NAP1L4: variants seen among roughly 807,000 people sequenced by gnomAD.
NAP1L4 encodes nucleosome assembly protein 1-like 4.
A neutral mutation model predicts 58.2 loss-of-function variants in NAP1L4; 15 were observed. That is an observed-to-expected ratio of 0.26 (90% CI 0.17 to 0.40). NAP1L4 has a LOEUF of 0.40. Ranked by LOEUF, NAP1L4 falls within the 10% of genes least tolerant of loss-of-function variation. The pLI is 1.00. For missense variants in NAP1L4, 384 were observed against 451.1 expected (o/e 0.85, Z 1.35); for synonymous variants, 171 against 155.6 (o/e 1.10, Z -0.74).
intron 10 of NAP1L4, among the ~76,000 whole-genome samples, chr11:2,957,827 T>C (rs1298297384): frequency 2.0e-5 from 3 of 152,222 alleles, no homozygotes; most frequent in African/African-American, 4.8e-5. Flanking sequence ...ACTACTTGTG[T>C]TTCTTACAAT....
chr11:2,947,263 T>C (rs2133889451), intron 15 of NAP1L4, among the ~76,000 whole-genome samples: 1 of 152,294 alleles, frequency 6.6e-6, no homozygotes, highest in South Asian at 2.1e-4. Flanking sequence ...AATGATGTAA[T>C]AGGTATTTTC....
At chr11:2,964,198 C>T (rs779927377) in intron 8 of NAP1L4, among the ~76,000 whole-genome samples, 5 of 152,062 alleles carry the variant, frequency 3.3e-5, no homozygotes, top group African/African-American at 4.8e-5. Flanking sequence ...TACATAGCTC[C>T]CATCTTTTTA....
rs1212574682 is a variant in NAP1L4 at position 2,948,026 on chromosome 11, T to A, written c.*32+1201A>T. Among the ~76,000 whole-genome samples the A allele has an allele frequency of 2.0e-5, 3 of 148,424 alleles. No individual in the cohort carries two copies. Among genetic ancestry groups the A allele is most frequent in the African/African-American group, 7.5e-5 (3 of 39,924 alleles). On this transcript the variant is annotated intron_variant, in intron 15 of 15. Transcript: ENST00000380542. The surrounding 1 kb of genome is among the most constrained non-coding windows in gnomAD (Gnocchi z 5.1). The stretch of plus-strand genomic sequence containing the variant: ...ACGGATAGGTGGCACGCATCGAGGA[T>A]TCTCTTCAAAAGAGCTGGTGGCATG...
At chr11:2,970,471 T>A (rs1220351941) in intron 6 of NAP1L4, among the ~76,000 whole-genome samples, 1 of 151,844 alleles carries the variant, frequency 6.6e-6, no homozygotes, top group Non-Finnish European at 1.5e-5. Flanking sequence ...AAGAAAGTGC[T>A]CAGCAACTTA....
At chr11:2,985,476 T>C (rs903606445) in intron 1 of NAP1L4, among the ~76,000 whole-genome samples, 1 of 152,218 alleles carries the variant, frequency 6.6e-6, no homozygotes, top group Non-Finnish European at 1.5e-5. Flanking sequence ...CAGAAGGTTC[T>C]CTCACTTTTA....
chr11:2,965,453 A>G (rs1363015021), intron 7 of NAP1L4, among the ~76,000 whole-genome samples: 1 of 152,238 alleles, frequency 6.6e-6, no homozygotes, highest in Non-Finnish European at 1.5e-5. Context: ...ATATGGTATC[A>G]TAATCTTACA....
intron 8 of NAP1L4, among the ~76,000 whole-genome samples, chr11:2,961,339 T>C (rs1482206942): frequency 6.6e-6 from 1 of 151,970 alleles, no homozygotes; most frequent in Non-Finnish European, 1.5e-5. Context: ...AGCTCTCCAC[T>C]GGCCTTGGCA....
chr11:2,969,192 T>C (rs1362980354), intron 7 of NAP1L4, among the ~76,000 whole-genome samples: 3 of 152,038 alleles, frequency 2.0e-5, no homozygotes, highest in Non-Finnish European at 4.4e-5. Context: ...GATTTCGCGA[T>C]GCTGCCCAGG....
At chr11:2,984,620 G>A (rs549006540) in intron 1 of NAP1L4, among the ~76,000 whole-genome samples, 6 of 152,168 alleles carry the variant, frequency 3.9e-5, no homozygotes, top group South Asian at 2.1e-4. Context: ...ATGGTCCCCC[G>A]TCACCTTCTG....
In NAP1L4 at chr11:2,955,669, T is replaced by A. The variant is rs917622180; in HGVS notation, c.915+75A>T. 2.8e-5 allele frequency: 42 copies of A among 1,494,204 alleles called. No individual in the cohort carries two copies. The highest frequency in any genetic ancestry group is 3.5e-4 in the Middle Eastern group (2 of 5,780). 92.6% of individuals were successfully genotyped at this position (1,494,204 alleles called of 1,614,324 possible). A position where few individuals can be genotyped will look rare whatever the true frequency, so the allele number is the denominator to read the frequency against. ...CACACAGCCAGGACTGGACTTTTTT[T>A]AACAAGTAGACAAGTAGACATTCAC... On this transcript the variant is annotated intron_variant, in intron 11 of 15. Transcript: ENST00000380542. The surrounding 1 kb of genome is among the most constrained non-coding windows in gnomAD (Gnocchi z 4.2).
intron 1 of NAP1L4, among the ~76,000 whole-genome samples, chr11:2,987,353 G>A (rs1039520817): frequency 6.6e-6 from 1 of 151,608 alleles, no homozygotes; most frequent in African/African-American, 2.4e-5. Flanking sequence ...CCCAAGGCGG[G>A]AGAGGGTCTC....
Position 2,954,975 on chromosome 11 carries a change from C to G in NAP1L4, c.916-329G>C, listed in dbSNP as rs1846446651. Among the ~76,000 whole-genome samples the G allele has an allele frequency of 6.6e-6, 1 of 152,116 alleles. No individual in the cohort carries two copies. The highest frequency in any genetic ancestry group is 1.5e-5 in the Non-Finnish European group (1 of 68,024). ...GTATTAAAGCACTGCACATTTGCTA[C>G]TGAAATCAACATATGAAACACATAC... On this transcript the variant is annotated intron_variant, in intron 11 of 15. Coordinates refer to ENST00000380542, the MANE Select transcript of NAP1L4 (RefSeq NM_005969.4). This position sits in a 1 kb window ranked among gnomAD's most constrained non-coding sequence, Gnocchi z 4.8.
chr11:2,947,153 C>T (rs1845980022), intron 15 of NAP1L4, among the ~76,000 whole-genome samples: 1 of 152,214 alleles, frequency 6.6e-6, no homozygotes, highest in Admixed American at 6.5e-5. Context: ...ATCTGAGATA[C>T]TCCAAAATCT....
rs752950557 is a variant in NAP1L4, at chr11:2,951,754, T to C, written c.1065+26A>G. On this transcript the variant is annotated intron_variant, in intron 13 of 15. Transcript: ENST00000380542. The surrounding 1 kb of genome is among the most constrained non-coding windows in gnomAD (Gnocchi z 4.0). Reference sequence around the variant, plus strand: ...AAAGAAACAACTTCAGGGAGGTAAGTGGCACTGCATAAACCTGTCTCTTAC... The same window carrying C: ...AAAGAAACAACTTCAGGGAGGTAAGCGGCACTGCATAAACCTGTCTCTTAC... 15 of 1,612,310 alleles carry C rather than the reference T, an allele frequency of 9.3e-6. No homozygotes were observed. The African/African-American group carries it at 1.3e-4, about 14-fold the overall frequency.
chr11:2,974,582 T>TG (rs1307296254), intron 4 of NAP1L4, among the ~76,000 whole-genome samples: 9 of 152,190 alleles, frequency 5.9e-5, no homozygotes, highest in Non-Finnish European at 1.2e-4. Context: ...AGCTTCTAAA[T>TG]GGGCAAAGCA....
At chr11:2,988,423 G>A (rs191439538) in intron 1 of NAP1L4, among the ~76,000 whole-genome samples, 109 of 152,270 alleles carry the variant, frequency 7.2e-4, no homozygotes, top group African/African-American at 2.5e-3. Flanking sequence ...GAACTTGTTC[G>A]TCTGTCTCCC....
chr11:2,978,381 A>C, intron 2 of NAP1L4, 39 bp from the exon 3 acceptor site: 1 of 1,571,748 alleles, frequency 6.4e-7, no homozygotes, highest in Non-Finnish European at 8.7e-7. Flanking sequence ...TACTGTAAAG[A>C]AAGTTCCAAA....
chr11:2,967,957 C>T (rs1030709033), intron 7 of NAP1L4, among the ~76,000 whole-genome samples: 26 of 152,172 alleles, frequency 1.7e-4, no homozygotes, highest in Admixed American at 1.6e-3. Flanking sequence ...GGTGGCCACA[C>T]GCACAGAAGG....
chr11:2,952,048 C>G, intron 12 of NAP1L4: 1 of 598,600 alleles, frequency 1.7e-6, no homozygotes, highest in South Asian at 2.0e-5. Context: ...GCTGGTCAGC[C>G]AGGGTGTACC....
Sources: gnomAD v4.1 joint callset for allele counts (sites outside exome capture counted in the v4.1 genomes callset) on GRCh38, gnomAD v4.1.1 for gene constraint, Gnocchi (gnomAD v3.1) non-coding constraint, MANE v1.5 for transcripts, NCBI Gene and HGNC (gene_info 2026-07-23, HGNC 2026-07-21) for gene names.